SSPN: variants seen among roughly 807,000 people sequenced by gnomAD.
The protein encoded by SSPN is K-ras oncogene-associated protein.
SSPN carries 15 observed loss-of-function variants against 19.1 expected under a neutral mutation model. The observed-to-expected ratio is 0.78, with a 90% CI of 0.52 to 1.21. The LOEUF (loss-of-function observed/expected upper bound fraction) is 1.21. Ranked by LOEUF, SSPN falls within the 50% of genes most tolerant of loss-of-function variation. The pLI, the probability that SSPN is intolerant of heterozygous loss-of-function variation, is 0.00. For missense variants in SSPN, 291 were observed against 314.0 expected (o/e 0.93, Z 0.55); for synonymous variants, 147 against 140.3 (o/e 1.05, Z -0.34).
At chr12:26,200,112 T>A (rs1178998273) in intron 1 of SSPN, among the ~76,000 whole-genome samples, 1 of 152,344 alleles carries the variant, frequency 6.6e-6, no homozygotes, top group South Asian at 2.1e-4. Context: ...AAAGTGAGAA[T>A]TTCTTTGCCT....
rs56718548 is a variant in SSPN, at chr12:26,143,897, G to A, written c.-31+21745G>A. On this transcript the variant is annotated intron_variant, in intron 1 of 2. Transcript: ENST00000538142. ...CAAAACCCTATTGTGAACTGCGCAT[G>A]TGAGGGATCTAGGTTGTGTGCTTTT... 1.9e-3 allele frequency among the ~76,000 whole-genome samples: 282 copies of A among 152,272 alleles called. 2 individuals are homozygous for A. The highest frequency in any genetic ancestry group is 6.6e-3 in the African/African-American group (274 of 41,540).
chr12:26,122,398 C>T (rs1944317053), intron 1 of SSPN: 11 of 1,275,902 alleles, frequency 8.6e-6, no homozygotes, highest in Non-Finnish European at 1.1e-5. Context: ...AGATACTTCT[C>T]CAGGCCGCTC....
chr12:26,126,792 G>A (rs1015582776), intron 1 of SSPN, among the ~76,000 whole-genome samples: 6 of 152,260 alleles, frequency 3.9e-5, no homozygotes, highest in Non-Finnish European at 5.9e-5. Context: ...CATCTGTTTA[G>A]AGGGCCTTTT....
chr12:26,134,674 G>A (rs1476666105), intron 1 of SSPN, among the ~76,000 whole-genome samples: 1 of 152,216 alleles, frequency 6.6e-6, no homozygotes, highest in Non-Finnish European at 1.5e-5. Flanking sequence ...AAGTGTCCTT[G>A]TACCTGTTGA....
chr12:26,231,035 T>C lies in SSPN; in HGVS notation c.691T>C (p.Cys231Arg). 6.2e-7 allele frequency: 1 copy of C among 1,614,180 alleles called. No homozygotes were observed. The highest frequency in any genetic ancestry group is 8.5e-7 in the Non-Finnish European group (1 of 1,180,018). Reference sequence around the variant, plus strand: ...GGTCTTCTATGTGGGTGTCAGGATATGCTCCCTCACGGCTTCCGAAGGCCC... The same window carrying C: ...GGTCTTCTATGTGGGTGTCAGGATACGCTCCCTCACGGCTTCCGAAGGCCC... ...YQVFYVGVRI[C>R]SLTASEGPQQ... is the part of the protein sequence containing the mutation. The change falls in exon 3 of 3, where the codon TGC (cysteine) becomes CGC (arginine). Residue 231 changes from cysteine to arginine, a missense_variant. Cys to Arg is a radical substitution (Grantham distance 180). Coordinates refer to ENST00000242729, the MANE Select transcript of SSPN (RefSeq NM_005086.5).
intron 1 of SSPN, among the ~76,000 whole-genome samples, chr12:26,136,758 A>G (rs558301249): frequency 6.6e-6 from 1 of 152,362 alleles, no homozygotes; most frequent in African/African-American, 2.4e-5. Flanking sequence ...TTAATGAGAT[A>G]TAGTTAAGAG....
At chr12:26,151,106 G>A (rs1327663205) in intron 1 of SSPN, among the ~76,000 whole-genome samples, 1 of 152,030 alleles carries the variant, frequency 6.6e-6, no homozygotes, top group Non-Finnish European at 1.5e-5. Flanking sequence ...GAAAAAAAGG[G>A]GCAAGTCTAT....
At chr12:26,215,427 G>A (rs978663846) in intron 1 of SSPN, among the ~76,000 whole-genome samples, 1 of 152,160 alleles carries the variant, frequency 6.6e-6, no homozygotes, top group African/African-American at 2.4e-5. Context: ...TCAAAAGAGG[G>A]ACCCAGAAAA....
chr12:26,174,752 C>T (rs1211976584), intron 1 of SSPN, among the ~76,000 whole-genome samples: 2 of 152,268 alleles, frequency 1.3e-5, no homozygotes, highest in East Asian at 1.9e-4. Flanking sequence ...AACTCCTGAT[C>T]TCAGGTGGTC....
At chr12:26,170,790 C>A (rs553311927) in intron 1 of SSPN, among the ~76,000 whole-genome samples, 2 of 152,296 alleles carry the variant, frequency 1.3e-5, no homozygotes, top group South Asian at 2.1e-4. Flanking sequence ...CCATCCATAA[C>A]CCTGCTTAGC....
At chr12:26,152,528 C>T (rs1350605950) in intron 1 of SSPN, among the ~76,000 whole-genome samples, 1 of 151,982 alleles carries the variant, frequency 6.6e-6, no homozygotes, top group Non-Finnish European at 1.5e-5. Flanking sequence ...TTATAAATGC[C>T]ATCTCTCTTT....
chr12:26,154,934 T>C (rs1944547008), intron 1 of SSPN, among the ~76,000 whole-genome samples: 1 of 152,164 alleles, frequency 6.6e-6, no homozygotes, highest in African/African-American at 2.4e-5. Flanking sequence ...GTGAGGAAGC[T>C]GGGCATGACA....
chr12:26,188,301 C>A (rs1944766879), intron 1 of SSPN, among the ~76,000 whole-genome samples: 1 of 152,034 alleles, frequency 6.6e-6, no homozygotes, highest in African/African-American at 2.4e-5. Flanking sequence ...ACCCACAAGG[C>A]TTTGTCATAG....
Position 26,231,981 on chromosome 12 carries a change from T to C in SSPN, c.*905T>C. 1 of 979,922 alleles carries C rather than the reference T, an allele frequency of 1.0e-6. No individual in the cohort carries two copies. Among genetic ancestry groups the C allele is most frequent in the South Asian group, 4.8e-5 (1 of 20,844 alleles). The allele number at this position is 979,922 out of a possible 1,614,324, so 60.7% of individuals were successfully genotyped here. ...ACAAGAGCAGAGGCCTGAAGATTCTTTCTTCTGAAAGCCAAGCACCACAAG... is the reference window on the plus strand; with the variant it reads ...ACAAGAGCAGAGGCCTGAAGATTCTCTCTTCTGAAAGCCAAGCACCACAAG... On this transcript the variant is annotated 3_prime_UTR_variant, in exon 3 of 3. Transcript: ENST00000242729.
Position 26,232,003 on chromosome 12 carries a change from CA to C in SSPN, c.*929del, listed in dbSNP as rs1388654915. The C allele has an allele frequency of 1.6e-5, 13 of 835,656 alleles. No homozygotes were observed. The South Asian group carries it at 4.8e-4, about 31-fold the overall frequency. 51.8% of individuals were successfully genotyped at this position (835,656 alleles called of 1,614,324 possible). ...TCTTTCTTCTGAAAGCCAAGCACCA[CA>C]AGGAAAAAAAAAATTATTAATAGCT... On this transcript the variant is annotated 3_prime_UTR_variant, in exon 3 of 3. Transcript: ENST00000242729.
chr12:26,152,162 C>T (rs1250102200), intron 1 of SSPN, among the ~76,000 whole-genome samples: 1 of 152,196 alleles, frequency 6.6e-6, no homozygotes, highest in Non-Finnish European at 1.5e-5. Context: ...CACATTTGCT[C>T]TTTTCCATGG....
intron 1 of SSPN, among the ~76,000 whole-genome samples, chr12:26,178,979 C>T (rs1944701871): frequency 6.6e-6 from 1 of 152,200 alleles, no homozygotes; most frequent in African/African-American, 2.4e-5. Flanking sequence ...CAGCACCCCA[C>T]AGCTTACAGT....
chr12:26,202,608 G>T (rs939513526), intron 1 of SSPN, among the ~76,000 whole-genome samples: 1 of 152,218 alleles, frequency 6.6e-6, no homozygotes, highest in African/African-American at 2.4e-5. Context: ...TGGTCTAACA[G>T]TTGAATAGAT....
chr12:26,159,408 T>C (rs971814024), intron 1 of SSPN, among the ~76,000 whole-genome samples: 1 of 152,178 alleles, frequency 6.6e-6, no homozygotes, highest in South Asian at 2.1e-4. Flanking sequence ...AGACTAAAGA[T>C]TGGCCACCAG....
Sources: allele counts gnomAD v4.1 joint callset (sites outside exome capture counted in the v4.1 genomes callset), GRCh38; gene constraint gnomAD v4.1.1; transcripts MANE v1.5; gene names NCBI Gene and HGNC (gene_info 2026-07-23, HGNC 2026-07-21).